PDZRN3: variants seen among roughly 807,000 people sequenced by gnomAD.
PDZRN3 encodes the protein E3 ubiquitin-protein ligase PDZRN3.
In PDZRN3, 38 loss-of-function variants were observed where a neutral mutation model predicts 85.7. The observed-to-expected ratio is 0.44, with a 90% CI of 0.34 to 0.58. PDZRN3 has a LOEUF of 0.58. PDZRN3 is among the 20% of genes least tolerant of loss of function. PDZRN3 has a pLI of 0.01. For missense variants in PDZRN3, 1,629 were observed against 1,506.4 expected, an observed-to-expected ratio of 1.08 and a Z score of -1.35; for synonymous variants, 759 against 638.0, an observed-to-expected ratio of 1.19 and a Z score of -2.86.
intron 3 of PDZRN3, chr3:73,433,931 CACACACACACAT>C (rs1442246213): frequency 1.4e-5 from 19 of 1,407,114 alleles, no homozygotes; most frequent in Non-Finnish European, 1.7e-5. Context: ...CGCGCGTGCA[CACACACACACAT>C]ACACACAGAC....
chr3:73,545,950 C>T (rs1349994159), intron 3 of PDZRN3, among the ~76,000 whole-genome samples: 2 of 152,056 alleles, frequency 1.3e-5, no homozygotes, highest in Non-Finnish European at 2.9e-5. Context: ...AGGCCCAGGT[C>T]ACCATCCGGC....
At chr3:73,568,986 T>C (rs1417966323) in intron 3 of PDZRN3, among the ~76,000 whole-genome samples, 2 of 152,234 alleles carry the variant, frequency 1.3e-5, no homozygotes, top group Admixed American at 1.3e-4. Flanking sequence ...ATTGTTGTTC[T>C]GCCCTTTATC....
At chr3:73,462,559 A>AG (rs201441030) in intron 3 of PDZRN3, among the ~76,000 whole-genome samples, 7,411 of 150,572 alleles carry the variant, frequency 0.049, 224 homozygotes, top group Middle Eastern at 0.12. Context: ...AAAAAAAAAA[A>AG]AAAGAACTTG....
chr3:73,424,220 T>G (rs935149463), intron 3 of PDZRN3, among the ~76,000 whole-genome samples: 13 of 151,734 alleles, frequency 8.6e-5, no homozygotes, highest in African/African-American at 2.9e-4. Flanking sequence ...AGAGATTTGG[T>G]TCATTAGAAA....
intron 3 of PDZRN3, among the ~76,000 whole-genome samples, chr3:73,488,370 C>T (rs940794747): frequency 6.6e-6 from 1 of 152,208 alleles, no homozygotes; most frequent in African/African-American, 2.4e-5. Context: ...TGGTACTCTC[C>T]TCCCTAGTCC....
At chr3:73,429,084 T>C (rs1395418820) in intron 3 of PDZRN3, among the ~76,000 whole-genome samples, 1 of 152,080 alleles carries the variant, frequency 6.6e-6, no homozygotes, top group Non-Finnish European at 1.5e-5. Flanking sequence ...TCTTTCTTTT[T>C]TTCTTTTGTA....
chr3:73,596,287 G>A (rs776717503), intron 3 of PDZRN3, among the ~76,000 whole-genome samples: 4 of 152,306 alleles, frequency 2.6e-5, no homozygotes, highest in Non-Finnish European at 5.9e-5. Context: ...ATAGCGGAAA[G>A]TCAACTAATG....
rs71126867 is a variant in PDZRN3 at position 73,386,226 on chromosome 3, C to CTTTTTTTTTTTTTTTT, written c.1519-457_1519-442dup. ...GCTGTTTGGCTTGGGCAAGATATCACTTTTTTTTTTTTTTTTTTTGAGACA... is the reference window on the plus strand; with the variant it reads ...GCTGTTTGGCTTGGGCAAGATATCACTTTTTTTTTTTTTTTTTTTTTTTTTTTTTTTTTTTGAGACA... On this transcript the variant is annotated intron_variant, in intron 8 of 9. Transcript: ENST00000263666. 3.2e-3 allele frequency among the ~76,000 whole-genome samples: 287 copies of CTTTTTTTTTTTTTTTT among 90,664 alleles called. 53 individuals carry two copies. The highest frequency in any genetic ancestry group is 0.02 in the East Asian group (48 of 2,360). The allele number at this position is 90,664 out of a possible 152,430, so 59.5% of individuals were successfully genotyped here. A position where few individuals can be genotyped will look rare whatever the true frequency, so the allele number is the denominator to read the frequency against.
intron 3 of PDZRN3, among the ~76,000 whole-genome samples, chr3:73,432,145 G>A (rs964691480): frequency 2.6e-5 from 4 of 152,196 alleles, no homozygotes; most frequent in Admixed American, 1.3e-4. Flanking sequence ...CCAAATGGCA[G>A]CGTCTGCTGT....
At position 73,602,481 on chromosome 3, in the gene PDZRN3, A is replaced by C. The variant is rs1282271363; in HGVS notation, c.811-20T>G. On this transcript the variant is annotated intron_variant, in intron 2 of 9. Coordinates refer to ENST00000263666, the MANE Select transcript of PDZRN3 (RefSeq NM_015009.3). Reference sequence around the variant, plus strand: ...GTTATCCTTTGGGTTAAAAAAAAAAACATGCATGAATGCTAGGCATTAAGT... The same window carrying C: ...GTTATCCTTTGGGTTAAAAAAAAAACCATGCATGAATGCTAGGCATTAAGT... 2 of 865,976 alleles carry C rather than the reference A, an allele frequency of 2.3e-6. No homozygotes were observed. Among genetic ancestry groups the C allele is most frequent in the Middle Eastern group, 2.3e-4 (1 of 4,390 alleles). The allele number at this position is 865,976 out of a possible 1,614,324, so 53.6% of individuals were successfully genotyped here.
chr3:73,486,286 C>A (rs969276354), intron 3 of PDZRN3, among the ~76,000 whole-genome samples: 9 of 152,002 alleles, frequency 5.9e-5, no homozygotes, highest in African/African-American at 1.9e-4. Context: ...GTGTAAGAGC[C>A]CATGGATAGG....
chr3:73,593,707 T>TACACACACACACAC (rs201574221), intron 3 of PDZRN3, among the ~76,000 whole-genome samples: 1 of 100,900 alleles, frequency 9.9e-6, no homozygotes. Context: ...CCGAAATAAA[T>TACACACACACACAC]ATACACACAC....
chr3:73,467,552 G>C (rs919109323), intron 3 of PDZRN3, among the ~76,000 whole-genome samples: 2 of 152,178 alleles, frequency 1.3e-5, no homozygotes, highest in African/African-American at 4.8e-5. Context: ...CATAGCAAGA[G>C]GGTTTGGCTT....
intron 3 of PDZRN3, among the ~76,000 whole-genome samples, chr3:73,421,194 C>T (rs569408647): frequency 6.6e-6 from 1 of 152,144 alleles, no homozygotes; most frequent in Non-Finnish European, 1.5e-5. Flanking sequence ...CTGTGCCATA[C>T]GGGTTCCAGA....
At chr3:73,582,212 G>C (rs1271760289) in intron 3 of PDZRN3, among the ~76,000 whole-genome samples, 4 of 152,118 alleles carry the variant, frequency 2.6e-5, no homozygotes, top group African/African-American at 7.2e-5. Context: ...CTTACCTCAG[G>C]GTATGGGAAG....
At chr3:73,471,153 G>T (rs1261172568) in intron 3 of PDZRN3, among the ~76,000 whole-genome samples, 1 of 152,098 alleles carries the variant, frequency 6.6e-6, no homozygotes, top group Non-Finnish European at 1.5e-5. Context: ...TTCATAAAAA[G>T]GGGATATTTT....
chr3:73,597,785 C>T (rs990320232), intron 3 of PDZRN3, among the ~76,000 whole-genome samples: 1 of 147,846 alleles, frequency 6.8e-6, no homozygotes, highest in Admixed American at 6.8e-5. Context: ...ATATATTGAA[C>T]AGCACATGCC....
intron 3 of PDZRN3, among the ~76,000 whole-genome samples, chr3:73,519,403 C>T (rs757205383): frequency 7.2e-5 from 11 of 152,066 alleles, no homozygotes; most frequent in African/African-American, 1.2e-4. Flanking sequence ...AGTCTAAAAG[C>T]GATATATACC....
intron 3 of PDZRN3, among the ~76,000 whole-genome samples, chr3:73,573,023 T>C (rs1473509107): frequency 6.6e-6 from 1 of 152,214 alleles, no homozygotes; most frequent in Non-Finnish European, 1.5e-5. Context: ...TTAAGGCTTA[T>C]CTCAGAGCCT....
Sources: gnomAD v4.1 joint callset for allele counts (sites outside exome capture counted in the v4.1 genomes callset) on GRCh38, gnomAD v4.1.1 for gene constraint, MANE v1.5 for transcripts, NCBI Gene and HGNC (gene_info 2026-07-23, HGNC 2026-07-21) for gene names.